The following UBE2J1 variants were observed in gnomAD, a reference collection of about 807,000 sequenced individuals.
UBE2J1 encodes ubiquitin conjugating enzyme E2 J1, also known as ubiquitin-conjugating enzyme E2 J1.
In UBE2J1, 17 loss-of-function variants were observed where a neutral mutation model predicts 42.1. The ratio of observed to expected loss-of-function variants is 0.40; its 90% CI spans 0.28 to 0.61. The LOEUF (loss-of-function observed/expected upper bound fraction) is 0.61, where lower values mean the gene tolerates loss of function less well. Ranked by LOEUF, UBE2J1 falls within the 20% of genes least tolerant of loss-of-function variation. The probability of loss-of-function intolerance (pLI) is 0.38; values close to 1 mark genes in which losing one functional copy is unlikely to be tolerated. For missense variants in UBE2J1, 291 were observed against 389.4 expected, an observed-to-expected ratio of 0.75 and a Z score of 2.13; for synonymous variants, 127 against 137.2, an observed-to-expected ratio of 0.93 and a Z score of 0.52.
At chr6:89,348,944 T>TA (rs1259858112) in intron 1 of UBE2J1, among the ~76,000 whole-genome samples, 4 of 151,962 alleles carry the variant, frequency 2.6e-5, no homozygotes, top group Non-Finnish European at 5.9e-5. Flanking sequence ...AATGGATAGG[T>TA]AAAAACGCAG....
chr6:89,335,764 CT>C (rs2127863238), intron 5 of UBE2J1, among the ~76,000 whole-genome samples: 1 of 152,068 alleles, frequency 6.6e-6, no homozygotes, highest in South Asian at 2.1e-4. Flanking sequence ...TATTTTAAGG[CT>C]GTGAAAAAAG....
At chr6:89,351,070 T>TC (rs1768467413) in intron 1 of UBE2J1, among the ~76,000 whole-genome samples, 1 of 44,532 alleles carries the variant, frequency 2.2e-5, no homozygotes, top group East Asian at 1.6e-3. Flanking sequence ...CGGGATTCTC[T>TC]TTTTTTTTTT....
intron 4 of UBE2J1, 64 bp downstream of exon 4, chr6:89,338,395 A>C (rs557909857): frequency 6.4e-7 from 1 of 1,566,110 alleles, no homozygotes; most frequent in South Asian, 1.1e-5. Flanking sequence ...TCAGAGTATT[A>C]TACTTCATAA....
rs548443259 is a variant in UBE2J1 at position 89,329,841 on chromosome 6, C to T, written c.795G>A (p.Leu265=). 12 of 1,614,102 alleles carry T rather than the reference C, an allele frequency of 7.4e-6. No individual in the cohort carries two copies. In the African/African-American group the frequency reaches 1.2e-4, roughly 16 times the overall value. ...CCTGGATTACATCTGGTGAAGTAGA[C>T]AACCTTCTCTGACTCTGCTGCTGGG... ...RRAQQQSQRR[L]STSPDVIQGH... is the part of the protein sequence containing the mutation. Residue 265 remains leucine (L), a synonymous_variant, in exon 8 of 8, where the codon TTG becomes TTA. Coordinates refer to ENST00000435041, the MANE Select transcript of UBE2J1 (RefSeq NM_016021.3).
rs1166570711 is a variant in UBE2J1 at position 89,326,817 on chromosome 6, T to TA, written c.*2861dup. 6.6e-6 allele frequency: 1 copy of TA among 152,118 alleles called. No individual in the cohort carries two copies. The highest frequency in any genetic ancestry group is 2.4e-5 in the African/African-American group (1 of 41,422). The allele number at this position is 152,118 out of a possible 1,614,324, so 9.4% of individuals were successfully genotyped here. Reference sequence around the variant, plus strand: ...CATTAACCTTACATATACTTCCAATTAAAAAAACACATAGGCTTTTCAGTA... The same window carrying TA: ...CATTAACCTTACATATACTTCCAATTAAAAAAAACACATAGGCTTTTCAGTA... On this transcript the variant is annotated 3_prime_UTR_variant, in exon 8 of 8. Transcript: ENST00000435041.
intron 7 of UBE2J1, among the ~76,000 whole-genome samples, chr6:89,331,725 T>C (rs145345990): frequency 4.4e-4 from 67 of 152,186 alleles, no homozygotes; most frequent in African/African-American, 1.6e-3. Context: ...TAACATAGAT[T>C]GAAAATACAC....
chr6:89,338,415 G>C, intron 4 of UBE2J1, 44 bp downstream of exon 4: 2 of 1,564,778 alleles, frequency 1.3e-6, no homozygotes, highest in African/African-American at 2.7e-5. Flanking sequence ...ACTATGAATT[G>C]ACTGAAGTTA....
chr6:89,334,677 A>G (rs1037068253), intron 6 of UBE2J1, among the ~76,000 whole-genome samples: 1 of 151,586 alleles, frequency 6.6e-6, no homozygotes, highest in African/African-American at 2.4e-5. Context: ...CTCCATGTTG[A>G]GGCTGGTCTC....
chr6:89,336,858 G>A (rs1165667208), intron 5 of UBE2J1, among the ~76,000 whole-genome samples: 1 of 138,000 alleles, frequency 7.2e-6, no homozygotes, highest in Admixed American at 7.4e-5. Flanking sequence ...TTTTTTTTTT[G>A]AGACAAGGTC....
In UBE2J1 at chr6:89,350,591, T is replaced by G. The variant is rs76529466; in HGVS notation, c.31+1948A>C. ...AATAGATTTTTAAGAAGCATTGTGT[T>G]TTTTTTTTTAGAGCAGCAACACTAT... is the stretch of plus-strand genomic sequence containing the variant. On this transcript the variant is annotated intron_variant, in intron 1 of 7. Coordinates refer to ENST00000435041, the MANE Select transcript of UBE2J1 (RefSeq NM_016021.3). Among the ~76,000 whole-genome samples, 907 of 150,052 alleles carry G rather than the reference T, an allele frequency of 6.0e-3. 3 individuals are homozygous for G. The highest frequency in any genetic ancestry group is 0.01 in the Middle Eastern group (3 of 292).
At chr6:89,352,196 G>C (rs559806249) in intron 1 of UBE2J1, among the ~76,000 whole-genome samples, 1 of 152,338 alleles carries the variant, frequency 6.6e-6, no homozygotes, top group East Asian at 1.9e-4. Flanking sequence ...ATAGCGACCA[G>C]GTACAGCGAG....
chr6:89,331,514 C>A (rs1371615688), intron 7 of UBE2J1, among the ~76,000 whole-genome samples: 2 of 152,100 alleles, frequency 1.3e-5, no homozygotes, highest in Non-Finnish European at 2.9e-5. Context: ...TCCTAAGATT[C>A]ATTCATTCAA....
At chr6:89,333,886 A>T (rs1768059096) in intron 6 of UBE2J1, among the ~76,000 whole-genome samples, 1 of 152,230 alleles carries the variant, frequency 6.6e-6, no homozygotes, top group Non-Finnish European at 1.5e-5. Flanking sequence ...AGAAGTGGAG[A>T]GGGAAGAGGA....
chr6:89,335,564 C>T (rs1768092965), intron 5 of UBE2J1, 133 bp from the exon 6 acceptor site: 1 of 560,028 alleles, frequency 1.8e-6, no homozygotes, highest in Non-Finnish European at 2.8e-6. Flanking sequence ...CATTTATCCA[C>T]ATGCTATGAA....
Position 89,328,369 on chromosome 6 carries a change from C to T in UBE2J1, c.*1310G>A, listed in dbSNP as rs966905139. 1.6e-4 allele frequency: 25 copies of T among 152,174 alleles called. No individual in the cohort carries two copies. The highest frequency in any genetic ancestry group is 5.8e-4 in the African/African-American group (24 of 41,428). The allele number at this position is 152,174 out of a possible 1,614,324, so 9.4% of individuals were successfully genotyped here. On this transcript the variant is annotated 3_prime_UTR_variant, in exon 8 of 8. Coordinates refer to ENST00000435041, the MANE Select transcript of UBE2J1 (RefSeq NM_016021.3). ...CAAGATATACATATGGGCTAACTTTCGTGGACCGATCTAGAACCTAAATAC... is the reference window on the plus strand; with the variant it reads ...CAAGATATACATATGGGCTAACTTTTGTGGACCGATCTAGAACCTAAATAC...
chr6:89,341,767 G>A (rs542605048), intron 3 of UBE2J1, among the ~76,000 whole-genome samples: 29 of 152,132 alleles, frequency 1.9e-4, no homozygotes, highest in Admixed American at 6.5e-4. Context: ...GAAAAGATGT[G>A]TAAATTTGGA....
intron 1 of UBE2J1, among the ~76,000 whole-genome samples, chr6:89,350,903 G>A (rs559034360): frequency 5.4e-4 from 82 of 151,936 alleles, no homozygotes; most frequent in African/African-American, 1.9e-3. Context: ...CTGTCCTAAG[G>A]AACCGTGTGA....
At chr6:89,339,611 A>G (rs1275908748) in intron 3 of UBE2J1, among the ~76,000 whole-genome samples, 1 of 11,256 alleles carries the variant, frequency 8.9e-5, no homozygotes. Context: ...GGGGAAGGAG[A>G]GGGGAGGGGG....
chr6:89,335,963 G>C (rs1406932435), intron 5 of UBE2J1, among the ~76,000 whole-genome samples: 3 of 152,094 alleles, frequency 2.0e-5, no homozygotes, highest in Admixed American at 2.0e-4. Flanking sequence ...TTATACATTA[G>C]GTAGAGACTC....
Sources: gnomAD v4.1 joint callset for allele counts (sites outside exome capture counted in the v4.1 genomes callset) on GRCh38, gnomAD v4.1.1 for gene constraint, MANE v1.5 for transcripts, NCBI Gene and HGNC (gene_info 2026-07-23, HGNC 2026-07-21) for gene names.